Variants in CYFIP1 observed in about 807,000 individuals in gnomAD.
The protein encoded by CYFIP1 is cytoplasmic FMR1-interacting protein 1.
Under a neutral mutation model 163.5 loss-of-function variants are expected in CYFIP1, and 58 were observed. That is an observed-to-expected ratio of 0.35 (90% CI 0.29 to 0.44). CYFIP1 has a LOEUF of 0.44. CYFIP1 is among the 20% of genes least tolerant of loss of function. The pLI is 1.00. For synonymous variants in CYFIP1, 663 were observed against 660.7 expected (o/e 1.00, Z -0.05); for missense variants, 1,338 against 1,653.8 (o/e 0.81, Z 3.31).
chr15:22,917,110 A>G lies in CYFIP1; in HGVS notation c.1675-480T>C. Reference sequence around the variant, plus strand: ...CACACACCCCAGGCAGGGACACGGGACGCACGCAGAGGGAGGCAGGGAGGG... The same window carrying G: ...CACACACCCCAGGCAGGGACACGGGGCGCACGCAGAGGGAGGCAGGGAGGG... On this transcript the variant is annotated intron_variant, in intron 15 of 30. Coordinates refer to ENST00000617928, the MANE Select transcript of CYFIP1 (RefSeq NM_014608.6). The surrounding 1 kb of genome is among the most constrained non-coding windows in gnomAD (Gnocchi z 4.2). The G allele has an allele frequency of 6.9e-7, 1 of 1,456,102 alleles. No homozygotes were observed. Among genetic ancestry groups the G allele is most frequent in the Non-Finnish European group, 9.0e-7 (1 of 1,109,378 alleles). 90.2% of individuals were successfully genotyped at this position (1,456,102 alleles called of 1,614,324 possible). A position where few individuals can be genotyped will look rare whatever the true frequency, so the allele number is the denominator to read the frequency against.
At chr15:22,902,862 G>GT (rs2060442218) in intron 22 of CYFIP1, among the ~76,000 whole-genome samples, 3 of 152,208 alleles carry the variant, frequency 2.0e-5, no homozygotes, top group African/African-American at 7.2e-5. Context: ...GGACTGGGCC[G>GT]TGGGGCAGCT....
intron 29 of CYFIP1, among the ~76,000 whole-genome samples, chr15:22,873,223 A>G (rs554228790): frequency 7.2e-5 from 11 of 152,186 alleles, no homozygotes; most frequent in African/African-American, 1.9e-4. Context: ...TCTGTGATGA[A>G]TGACTCTATG....
intron 28 of CYFIP1, 63 bp downstream of exon 28, chr15:22,874,487 G>A: frequency 1.5e-6 from 2 of 1,336,116 alleles, no homozygotes; most frequent in African/African-American, 1.5e-5. Context: ...CTCCCAACCA[G>A]GCCACCTGGC....
In CYFIP1 at chr15:22,903,925, G is replaced by A; in HGVS notation, c.2389-20C>T. 1 of 1,611,384 alleles carries A rather than the reference G, an allele frequency of 6.2e-7. No individual in the cohort carries two copies. Among genetic ancestry groups the A allele is most frequent in the Non-Finnish European group, 8.5e-7 (1 of 1,178,558 alleles). On this transcript the variant is annotated intron_variant, in intron 21 of 30. Coordinates refer to ENST00000617928, the MANE Select transcript of CYFIP1 (RefSeq NM_014608.6). ...CAGCTCCTGTGGCACCAAAGACAGG[G>A]GTGGGTGACAGAGCTGGTCCAGGCA...
At chr15:22,927,856 A>G (rs1446080478) in intron 12 of CYFIP1, 50 bp downstream of exon 12, 2 of 1,538,954 alleles carry the variant, frequency 1.3e-6, no homozygotes, top group Non-Finnish European at 1.7e-6. Context: ...ATGTGAATAA[A>G]GTGCCCGAGG....
At position 22,876,614 on chromosome 15, in the gene CYFIP1, G is replaced by A. The variant is rs569063754; in HGVS notation, c.3043-1343C>T. Reference sequence around the variant, plus strand: ...TCCCAGCACTTTGGGAGGGCGAGGCGGGAGGTCGGGAGTTCAAGACCAGCC... The same window carrying A: ...TCCCAGCACTTTGGGAGGGCGAGGCAGGAGGTCGGGAGTTCAAGACCAGCC... On this transcript the variant is annotated intron_variant, in intron 26 of 30. Transcript: ENST00000617928. 1.3e-4 allele frequency among the ~76,000 whole-genome samples: 20 copies of A among 152,118 alleles called. No individual in the cohort carries two copies. In the South Asian group the frequency reaches 2.1e-3, roughly 16 times the overall value.
intron 1 of CYFIP1, among the ~76,000 whole-genome samples, chr15:22,979,270 ATGCG>A (rs1307288747): frequency 6.6e-6 from 1 of 152,178 alleles, no homozygotes; most frequent in African/African-American, 2.4e-5. Flanking sequence ...AAAAGGCAGC[ATGCG>A]TGGGGCCCCC....
chr15:22,951,531 G>A (rs1272651509), intron 1 of CYFIP1: 10 of 1,287,796 alleles, frequency 7.8e-6, no homozygotes, highest in Non-Finnish European at 1.0e-5. Flanking sequence ...GGGGCTGCCC[G>A]TGTCCTGCGA....
At chr15:22,919,611 C>T (rs967500892) in intron 13 of CYFIP1, among the ~76,000 whole-genome samples, 5 of 152,192 alleles carry the variant, frequency 3.3e-5, no homozygotes, top group African/African-American at 1.2e-4. Context: ...GTGTGGATGT[C>T]TGACATATAA....
intron 22 of CYFIP1, among the ~76,000 whole-genome samples, chr15:22,896,423 C>T (rs534512708): frequency 2.0e-5 from 3 of 152,078 alleles, no homozygotes; most frequent in African/African-American, 7.2e-5. Context: ...ATCTTTTCTG[C>T]CCCCCGACAA....
At chr15:22,957,880 T>C (rs1482149501) in intron 1 of CYFIP1, among the ~76,000 whole-genome samples, 2 of 152,212 alleles carry the variant, frequency 1.3e-5, no homozygotes, top group Admixed American at 1.3e-4. Context: ...CATACTTTGC[T>C]GTCCCTTTCT....
At chr15:22,962,065 G>C (rs1292097705) in intron 1 of CYFIP1, among the ~76,000 whole-genome samples, 1 of 152,154 alleles carries the variant, frequency 6.6e-6, no homozygotes, top group African/African-American at 2.4e-5. Context: ...CCAAACAGCT[G>C]CTCAGGTGAG....
chr15:22,874,568 T>G lies in CYFIP1; in HGVS notation c.3192A>C (p.Glu1064Asp). The G allele has an allele frequency of 6.2e-7, 1 of 1,605,220 alleles. No individual in the cohort carries two copies. Among genetic ancestry groups the G allele is most frequent in the Non-Finnish European group, 8.5e-7 (1 of 1,176,954 alleles). ...YAPLHLVPLI[E>D]RLGTPQQIAI... is the part of the protein sequence containing the mutation. The stretch of plus-strand genomic sequence containing the variant: ...ACGTTACCTGAGGGGTCCCCAGTCT[T>G]TCAATCAGTGGGACAAGATGCAGCG... Residue 1064 changes from glutamate to aspartate, a missense_variant, in exon 28 of 31, where the codon GAA becomes GAC. Physicochemically the swap from Glu to Asp is conservative, Grantham distance 45. Coordinates refer to ENST00000617928, the MANE Select transcript of CYFIP1 (RefSeq NM_014608.6).
chr15:22,953,034 G>A, intron 1 of CYFIP1, among the ~76,000 whole-genome samples: 1 of 152,374 alleles, frequency 6.6e-6, no homozygotes, highest in South Asian at 2.1e-4. Context: ...CCAAGCAGCT[G>A]TCACCGCACG....
chr15:22,904,101 C>A, intron 21 of CYFIP1, 196 bp from the exon 22 acceptor site: 1 of 614,562 alleles, frequency 1.6e-6, no homozygotes, highest in Middle Eastern at 4.3e-4. Context: ...CCCACTGGGT[C>A]ATGCCTTTCT....
chr15:22,952,350 G>A (rs8028440), intron 1 of CYFIP1, among the ~76,000 whole-genome samples: 36,761 of 151,842 alleles, frequency 0.24, 5,067 homozygotes, highest in African/African-American at 0.35. Flanking sequence ...CCACTGAGCT[G>A]TACACTTAAA....
intron 1 of CYFIP1, among the ~76,000 whole-genome samples, chr15:22,964,716 G>A (rs981762529): frequency 6.6e-6 from 1 of 152,184 alleles, no homozygotes; most frequent in African/African-American, 2.4e-5. Context: ...GGCTGTCTGA[G>A]CTCATTCAAC....
In CYFIP1 at chr15:22,917,679, C is replaced by T; in HGVS notation, c.1674+109G>A. The T allele has an allele frequency of 7.7e-7, 1 of 1,302,972 alleles. No homozygotes were observed. The allele number at this position is 1,302,972 out of a possible 1,614,324, so 80.7% of individuals were successfully genotyped here. A position where few individuals can be genotyped will look rare whatever the true frequency, so the allele number is the denominator to read the frequency against. ...ACAGGCGCCACTTTCTCTGCCTGAG[C>T]AGGCAGCGAGGACCTCATTTAACCC... On this transcript the variant is annotated intron_variant, in intron 15 of 30. Coordinates refer to ENST00000617928, the MANE Select transcript of CYFIP1 (RefSeq NM_014608.6). This position sits in a 1 kb window ranked among gnomAD's most constrained non-coding sequence, Gnocchi z 4.2.
At chr15:22,873,855 A>C (rs2059505200) in intron 28 of CYFIP1, 126 bp from the exon 29 acceptor site, 2 of 827,822 alleles carry the variant, frequency 2.4e-6, no homozygotes, top group Non-Finnish European at 3.9e-6. Flanking sequence ...GCAGTGGCAC[A>C]ATCACAGCTC....
Sources: allele counts gnomAD v4.1 joint callset (sites outside exome capture counted in the v4.1 genomes callset), GRCh38; gene constraint gnomAD v4.1.1; non-coding constraint Gnocchi (gnomAD v3.1); transcripts MANE v1.5; gene names NCBI Gene and HGNC (gene_info 2026-07-23, HGNC 2026-07-21).